COL15A1: variants seen among roughly 807,000 people sequenced by gnomAD.
COL15A1 encodes the protein collagen type XV alpha 1 chain.
COL15A1 carries 111 observed loss-of-function variants against 165.9 expected under a neutral mutation model. That is an observed-to-expected ratio of 0.67 (90% CI 0.57 to 0.78). The LOEUF (loss-of-function observed/expected upper bound fraction) is 0.78, where lower values mean the gene tolerates loss of function less well. Among genes scored for constraint, COL15A1 ranks in the 30% least tolerant of loss-of-function variants. COL15A1 has a pLI of 0.00. For missense variants in COL15A1, 1,745 were observed against 1,789.7 expected (o/e 0.98, Z 0.45); for synonymous variants, 659 against 674.8 (o/e 0.98, Z 0.36).
chr9:99,044,426 A>T (rs1839461417), intron 24 of COL15A1, 142 bp from the exon 25 acceptor site: 2 of 727,654 alleles, frequency 2.7e-6, no homozygotes, highest in Non-Finnish European at 4.7e-6. Context: ...TTCAAGTAGG[A>T]TGAAGGCAAG....
chr9:98,955,732 A>C (rs539711887), intron 2 of COL15A1, among the ~76,000 whole-genome samples: 1 of 152,380 alleles, frequency 6.6e-6, no homozygotes, highest in South Asian at 2.1e-4. Flanking sequence ...TTCATCTCAC[A>C]GAACATAGAG....
At chr9:99,027,061 GC>G (rs369645292) in intron 16 of COL15A1, among the ~76,000 whole-genome samples, 2,653 of 152,312 alleles carry the variant, frequency 0.017, 37 homozygotes, top group Non-Finnish European at 0.028. Flanking sequence ...CTGTCTGCAA[GC>G]CTGTGCTGGT....
At chr9:99,025,042 C>T (rs776379218) in intron 15 of COL15A1, 43 bp downstream of exon 15, 15 of 1,592,748 alleles carry the variant, frequency 9.4e-6, no homozygotes, top group Non-Finnish European at 1.2e-5. Flanking sequence ...GGCTGTGGGG[C>T]TTCCTTTAGC....
intron 2 of COL15A1, among the ~76,000 whole-genome samples, chr9:98,975,063 T>G (rs1417213770): frequency 6.6e-6 from 1 of 152,166 alleles, no homozygotes; most frequent in African/African-American, 2.4e-5. Context: ...TTGCAGTTGG[T>G]GGAAGCGCAG....
At chr9:99,027,071 G>T (rs766646889) in intron 16 of COL15A1, among the ~76,000 whole-genome samples, 2 of 152,190 alleles carry the variant, frequency 1.3e-5, no homozygotes, top group Admixed American at 6.5e-5. Context: ...GCCTGTGCTG[G>T]TGCTACCTGG....
intron 5 of COL15A1, among the ~76,000 whole-genome samples, chr9:98,991,407 A>T (rs1160498829): frequency 6.6e-6 from 1 of 152,234 alleles, no homozygotes; most frequent in African/African-American, 2.4e-5. Flanking sequence ...TGAGCTAGAC[A>T]CAGAGTGCTG....
Position 99,023,385 on chromosome 9 carries a change from T to G in COL15A1, c.1790T>G (p.Leu597Arg). 1 of 1,612,252 alleles carries G rather than the reference T, an allele frequency of 6.2e-7. No individual in the cohort carries two copies. The highest frequency in any genetic ancestry group is 1.1e-5 in the South Asian group (1 of 90,762). ...TAGAEAEGSGLGWGSDVGSGS... is the reference protein window; with the variant it reads ...TAGAEAEGSGRGWGSDVGSGS... ...GGAGCAGAAGCAGAGGGCTCTGGCC[T>G]AGGCTGGGGCTCGGACGTCGGCTCT... Residue 597 changes from leucine (L) to arginine (R), a missense_variant, in exon 14 of 42, where the codon CTA becomes CGA. By Grantham distance (102) the Leu-to-Arg change is moderately radical. Coordinates refer to ENST00000375001, the MANE Select transcript of COL15A1 (RefSeq NM_001855.5).
At chr9:99,000,530 C>T (rs1343801944) in intron 6 of COL15A1, among the ~76,000 whole-genome samples, 1 of 152,054 alleles carries the variant, frequency 6.6e-6, no homozygotes, top group East Asian at 1.9e-4. Context: ...TTTGCATTAA[C>T]TTACTTAGTC....
At chr9:99,067,828 G>A (rs1225034001) in intron 40 of COL15A1, among the ~76,000 whole-genome samples, 2 of 152,050 alleles carry the variant, frequency 1.3e-5, no homozygotes, top group African/African-American at 4.8e-5. Context: ...TCTCTACAAG[G>A]GACCAGGCTG....
At chr9:98,972,222 T>A (rs528958292) in intron 2 of COL15A1, among the ~76,000 whole-genome samples, 1 of 152,154 alleles carries the variant, frequency 6.6e-6, no homozygotes, top group Non-Finnish European at 1.5e-5. Flanking sequence ...GGACTAAGCA[T>A]AGGTCTGTCT....
rs1356805841 is a variant in COL15A1, at chr9:98,993,908, C to T, written c.805-3026C>T. On this transcript the variant is annotated intron_variant, in intron 5 of 41. Transcript: ENST00000375001. ...GCCTGCCACCCTTTGAGACATGAGC[C>T]GTCGCCAGTGAACTGAATTGCAGAC... is the stretch of plus-strand genomic sequence containing the variant. Among the ~76,000 whole-genome samples the T allele has an allele frequency of 2.6e-5, 4 of 152,178 alleles. No individual in the cohort carries two copies. The East Asian group carries it at 5.8e-4, about 22-fold the overall frequency.
chr9:98,987,687 G>T (rs2118892757), intron 4 of COL15A1, among the ~76,000 whole-genome samples: 1 of 152,316 alleles, frequency 6.6e-6, no homozygotes, highest in South Asian at 2.1e-4. Flanking sequence ...TATTCTGGGA[G>T]TAAATTCCTA....
chr9:98,959,008 C>T (rs142092394), intron 2 of COL15A1, among the ~76,000 whole-genome samples: 2 of 152,120 alleles, frequency 1.3e-5, no homozygotes, highest in African/African-American at 4.8e-5. Context: ...CTGTGCTCAG[C>T]TCCTGTCATC....
chr9:99,035,427 C>A lies in COL15A1; in HGVS notation c.2289+9C>A. 1 of 1,614,092 alleles carries A rather than the reference C, an allele frequency of 6.2e-7. No homozygotes were observed. Among genetic ancestry groups the A allele is most frequent in the Non-Finnish European group, 8.5e-7 (1 of 1,180,026 alleles). The stretch of plus-strand genomic sequence containing the variant: ...GACCAACGGCTGCAATTGTAGGTCG[C>A]CTCTGAAACCTTCATTATGAGGGTT... On this transcript the variant is annotated intron_variant, in intron 19 of 41. Coordinates refer to ENST00000375001, the MANE Select transcript of COL15A1 (RefSeq NM_001855.5).
chr9:98,958,800 C>T (rs948596813), intron 2 of COL15A1, among the ~76,000 whole-genome samples: 6 of 152,026 alleles, frequency 3.9e-5, no homozygotes, highest in Non-Finnish European at 8.8e-5. Flanking sequence ...TGGTTCTAGG[C>T]CTGGTCACAG....
At chr9:99,053,548 G>C (rs1825662702) in intron 31 of COL15A1, among the ~76,000 whole-genome samples, 1 of 152,248 alleles carries the variant, frequency 6.6e-6, no homozygotes, top group Non-Finnish European at 1.5e-5. Context: ...CTTACTGTGT[G>C]CAGCTACTAC....
In COL15A1 at chr9:99,069,713, G is replaced by A. The variant is rs10519; in HGVS notation, c.3994G>A (p.Val1332Ile). ...TTGGCATGGCTCCAGCCCCCATGGC[G>A]TCCGCCTTGTGGATAACTACTGTGA... ...VIWHGSSPHGVRLVDNYCEAW... is the reference protein window; with the variant it reads ...VIWHGSSPHGIRLVDNYCEAW... The change falls in exon 42 of 42, where the codon GTC (valine) becomes ATC (isoleucine). Residue 1332 changes from valine (V) to isoleucine (I), a missense_variant. Physicochemically the swap from Val to Ile is conservative, Grantham distance 29 (BLOSUM62 3). Coordinates refer to ENST00000375001, the MANE Select transcript of COL15A1 (RefSeq NM_001855.5). 0.085 allele frequency: 136,926 copies of A among 1,612,676 alleles called. 8,111 individuals carry two copies. The highest frequency in any genetic ancestry group is 0.24 in the East Asian group (10,852 of 44,822).
intron 9 of COL15A1, among the ~76,000 whole-genome samples, chr9:99,011,468 T>G (rs1838847687): frequency 6.6e-6 from 1 of 151,608 alleles, no homozygotes; most frequent in South Asian, 2.1e-4. Flanking sequence ...AGATTCTTTC[T>G]TGTATAAAAT....
rs78439493 is a variant in COL15A1, at chr9:99,046,948, T to C, written c.2680-838T>C. On this transcript the variant is annotated intron_variant, in intron 26 of 41. Coordinates refer to ENST00000375001, the MANE Select transcript of COL15A1 (RefSeq NM_001855.5). ...GTTTCAACTCAGTTTTTGTTTGTCATTTTTCAGAGCATGGCTATGTATGTT... is the reference window on the plus strand; with the variant it reads ...GTTTCAACTCAGTTTTTGTTTGTCACTTTTCAGAGCATGGCTATGTATGTT... Among the ~76,000 whole-genome samples the C allele has an allele frequency of 2.8e-3, 433 of 152,304 alleles. 2 individuals are homozygous for C. Among genetic ancestry groups the C allele is most frequent in the African/African-American group, 9.5e-3 (395 of 41,560 alleles).
Sources: allele counts gnomAD v4.1 joint callset (sites outside exome capture counted in the v4.1 genomes callset), GRCh38; gene constraint gnomAD v4.1.1; transcripts MANE v1.5; gene names NCBI Gene and HGNC (gene_info 2026-07-23, HGNC 2026-07-21).